PDE4B: variants seen among roughly 807,000 people sequenced by gnomAD.
PDE4B encodes the protein phosphodiesterase 4B, also known as 3',5'-cyclic-AMP phosphodiesterase 4B.
In PDE4B, 20 loss-of-function variants were observed where a neutral mutation model predicts 82.2. The observed-to-expected ratio is 0.24, with a 90% CI of 0.17 to 0.35. PDE4B has a LOEUF of 0.35. Ranked by LOEUF, PDE4B falls within the 10% of genes least tolerant of loss-of-function variation. The pLI is 1.00. For missense variants in PDE4B, 655 were observed against 907.2 expected (o/e 0.72, Z 3.57); for synonymous variants, 320 against 318.9 (o/e 1.00, Z -0.04).
intron 1 of PDE4B, among the ~76,000 whole-genome samples, chr1:65,879,328 A>G (rs1646684854): frequency 1.3e-5 from 2 of 152,182 alleles, no homozygotes; most frequent in Non-Finnish European, 2.9e-5. Flanking sequence ...GATATTTATA[A>G]GATTTTGTAT....
At chr1:65,847,473 T>C (rs1646279983) in intron 1 of PDE4B, among the ~76,000 whole-genome samples, 1 of 152,250 alleles carries the variant, frequency 6.6e-6, no homozygotes, top group Non-Finnish European at 1.5e-5. Flanking sequence ...GGCTGTGGCC[T>C]TCAGATCTTT....
intron 3 of PDE4B, among the ~76,000 whole-genome samples, chr1:66,081,830 C>CTGTGTG (rs1482156616): frequency 3.5e-4 from 40 of 112,714 alleles, no homozygotes; most frequent in African/African-American, 1.2e-3. Context: ...CTCTCTCTCT[C>CTGTGTG]TCTGTGTGTG....
intron 3 of PDE4B, among the ~76,000 whole-genome samples, chr1:66,164,387 A>AGT: frequency 6.6e-6 from 1 of 151,486 alleles, no homozygotes; most frequent in South Asian, 2.1e-4. Context: ...ATACAAAAAA[A>AGT]TAGCCCGGCG....
intron 4 of PDE4B, among the ~76,000 whole-genome samples, chr1:66,253,698 CATAA>C (rs767904016): frequency 7.2e-5 from 11 of 152,146 alleles, no homozygotes; most frequent in Non-Finnish European, 1.0e-4. Flanking sequence ...ATAATAGTTC[CATAA>C]ATAATCTGGT....
chr1:66,131,921 C>G (rs944993121), intron 3 of PDE4B, among the ~76,000 whole-genome samples: 1 of 151,798 alleles, frequency 6.6e-6, no homozygotes, highest in African/African-American at 2.4e-5. Flanking sequence ...GTGAGAAGAG[C>G]CTTCTAGGCA....
intron 3 of PDE4B, among the ~76,000 whole-genome samples, chr1:66,063,882 A>G (rs900878145): frequency 6.6e-5 from 10 of 152,030 alleles, no homozygotes; most frequent in Non-Finnish European, 2.9e-5. Flanking sequence ...GCATAAAAGA[A>G]TCCATAAAGA....
intron 8 of PDE4B, among the ~76,000 whole-genome samples, chr1:66,346,851 A>C (rs1345907256): frequency 6.6e-6 from 1 of 152,138 alleles, no homozygotes; most frequent in Non-Finnish European, 1.5e-5. Flanking sequence ...AAGAGCACAC[A>C]CTTGGTCTCA....
intron 3 of PDE4B, among the ~76,000 whole-genome samples, chr1:65,969,185 T>G (rs1650003375): frequency 6.6e-6 from 1 of 152,152 alleles, no homozygotes; most frequent in Non-Finnish European, 1.5e-5. Flanking sequence ...TCATCTTGGG[T>G]ATGGATGAAT....
At chr1:66,057,864 CT>C (rs1337316991) in intron 3 of PDE4B, among the ~76,000 whole-genome samples, 2 of 152,140 alleles carry the variant, frequency 1.3e-5, no homozygotes, top group African/African-American at 2.4e-5. Flanking sequence ...CATTCTGCCC[CT>C]GGCCCTTCCC....
intron 3 of PDE4B, among the ~76,000 whole-genome samples, chr1:66,245,712 C>G (rs1248124221): frequency 6.6e-6 from 1 of 152,202 alleles, no homozygotes; most frequent in Non-Finnish European, 1.5e-5. Context: ...TGAGAAAATT[C>G]ATCTACAGTA....
At chr1:66,187,670 T>G (rs1255305693) in intron 3 of PDE4B, among the ~76,000 whole-genome samples, 3 of 152,104 alleles carry the variant, frequency 2.0e-5, no homozygotes, top group Non-Finnish European at 2.9e-5. Flanking sequence ...CTGTGGGATC[T>G]GTGGTGATAT....
At chr1:65,955,706 C>CA (rs1422936471) in intron 3 of PDE4B, among the ~76,000 whole-genome samples, 2 of 152,146 alleles carry the variant, frequency 1.3e-5, no homozygotes, top group African/African-American at 4.8e-5. Flanking sequence ...AAAACTGACT[C>CA]ACATTTCACC....
At chr1:66,371,470 C>A (rs1328421761) in intron 16 of PDE4B, among the ~76,000 whole-genome samples, 1 of 152,154 alleles carries the variant, frequency 6.6e-6, no homozygotes, top group Non-Finnish European at 1.5e-5. Context: ...CTAGCTCATG[C>A]AGGATGCATA....
At chr1:66,037,888 T>G (rs1043550293) in intron 3 of PDE4B, among the ~76,000 whole-genome samples, 1 of 152,210 alleles carries the variant, frequency 6.6e-6, no homozygotes, top group Non-Finnish European at 1.5e-5. Context: ...CAAAATATAT[T>G]AAAGCTTCCT....
intron 7 of PDE4B, among the ~76,000 whole-genome samples, chr1:66,320,556 T>G (rs891478299): frequency 6.6e-6 from 1 of 152,216 alleles, no homozygotes; most frequent in Non-Finnish European, 1.5e-5. Context: ...GTGTCTTTGA[T>G]ACTGTTCAGT....
chr1:65,974,378 G>A (rs1266293126), intron 3 of PDE4B, among the ~76,000 whole-genome samples: 1 of 152,236 alleles, frequency 6.6e-6, no homozygotes, highest in Non-Finnish European at 1.5e-5. Flanking sequence ...TGCTAAAGCT[G>A]CATTTTTAAG....
intron 4 of PDE4B, among the ~76,000 whole-genome samples, chr1:66,255,786 T>G (rs899765245): frequency 5.9e-5 from 9 of 152,260 alleles, no homozygotes; most frequent in African/African-American, 2.2e-4. Context: ...TTTAAAATAT[T>G]TTTTGTTTCC....
At chr1:66,194,952 T>C (rs1029999380) in intron 3 of PDE4B, among the ~76,000 whole-genome samples, 4 of 152,160 alleles carry the variant, frequency 2.6e-5, no homozygotes, top group Admixed American at 6.6e-5. Context: ...TCTATATAAT[T>C]GTGAGTCATT....
At chr1:66,260,577 C>G (rs779031297) in intron 6 of PDE4B, among the ~76,000 whole-genome samples, 1 of 152,112 alleles carries the variant, frequency 6.6e-6, no homozygotes, top group South Asian at 2.1e-4. Flanking sequence ...GACTGAGAAC[C>G]ACTACATTGC....
Sources: gnomAD v4.1 joint callset for allele counts (sites outside exome capture counted in the v4.1 genomes callset) on GRCh38, gnomAD v4.1.1 for gene constraint, MANE v1.5 for transcripts, NCBI Gene and HGNC (gene_info 2026-07-23, HGNC 2026-07-21) for gene names.